Variants in FSTL1 observed in about 807,000 individuals in gnomAD.
FSTL1 encodes the protein follistatin like 1.
Under a neutral mutation model 45.9 loss-of-function variants are expected in FSTL1, and 24 were observed. That is an observed-to-expected ratio of 0.52 (90% CI 0.38 to 0.74). The LOEUF is 0.74. FSTL1 is among the 30% of genes least tolerant of loss of function. FSTL1 has a pLI of 0.00. For synonymous variants in FSTL1, 120 were observed against 137.6 expected, an observed-to-expected ratio of 0.87 and a Z score of 0.89; for missense variants, 340 against 381.8, an observed-to-expected ratio of 0.89 and a Z score of 0.91.
At chr3:120,447,839 T>G (rs1246886575) in intron 2 of FSTL1, among the ~76,000 whole-genome samples, 1 of 152,130 alleles carries the variant, frequency 6.6e-6, no homozygotes, top group Non-Finnish European at 1.5e-5. Flanking sequence ...TTTGTAGAGA[T>G]ATGGTCTCAC....
At chr3:120,417,846 C>T (rs1421719058) in intron 2 of FSTL1, among the ~76,000 whole-genome samples, 3 of 152,186 alleles carry the variant, frequency 2.0e-5, no homozygotes, top group African/African-American at 2.4e-5. Context: ...AGTCTCTGTC[C>T]TTAACTAGTA....
rs183355920 is a variant in FSTL1, at chr3:120,404,892, A to G, written c.542T>C (p.Ile181Thr). Reference protein sequence around the residue: ...FVEQNETAINITTYPDQENNK... With the variant: ...FVEQNETAINTTTYPDQENNK... ...GTTCTCCTGGTCTGGATACGTTGTAATATTGATGGCAGTTTCATTCTGTTC... is the reference window on the plus strand; with the variant it reads ...GTTCTCCTGGTCTGGATACGTTGTAGTATTGATGGCAGTTTCATTCTGTTC... Residue 181 changes from isoleucine to threonine, a missense_variant, in exon 7 of 11, where the codon ATT becomes ACT. Transcript: ENST00000295633. 2.6e-5 allele frequency: 42 copies of G among 1,599,362 alleles called. No homozygotes were observed. The East Asian group carries it at 7.8e-4, about 30-fold the overall frequency.
At chr3:120,399,164 G>A (rs1936766544) in intron 10 of FSTL1, among the ~76,000 whole-genome samples, 1 of 152,176 alleles carries the variant, frequency 6.6e-6, no homozygotes, top group Non-Finnish European at 1.5e-5. Context: ...GACAGGTAAT[G>A]GAAGGTGCAA....
chr3:120,439,176 A>G (rs1424816314), intron 2 of FSTL1, among the ~76,000 whole-genome samples: 2 of 152,148 alleles, frequency 1.3e-5, no homozygotes, highest in East Asian at 1.9e-4. Flanking sequence ...TTGCTCAGCT[A>G]ATGCAAACAC....
intron 2 of FSTL1, among the ~76,000 whole-genome samples, chr3:120,446,242 C>G (rs1937736574): frequency 6.6e-6 from 1 of 152,216 alleles, no homozygotes; most frequent in Non-Finnish European, 1.5e-5. Context: ...CTCTGCCCCA[C>G]TGACTTCAAA....
At chr3:120,446,030 A>G (rs781159924) in intron 2 of FSTL1, among the ~76,000 whole-genome samples, 1 of 150,942 alleles carries the variant, frequency 6.6e-6, no homozygotes, top group Non-Finnish European at 1.5e-5. Context: ...TACAAAGTGA[A>G]CCTATCTAAT....
chr3:120,403,920 C>CAAAAAAAAAAAAAAAAAA (rs34145564), intron 7 of FSTL1, among the ~76,000 whole-genome samples: 3 of 52,142 alleles, frequency 5.8e-5, no homozygotes, highest in South Asian at 9.4e-4. Flanking sequence ...GACTCCGTCT[C>CAAAAAAAAAAAAAAAAAA]AAAAAAAAAA....
At position 120,395,080 on chromosome 3, in the gene FSTL1, T is replaced by A. The variant is rs1936670205; in HGVS notation, c.*1872A>T. ...GACTGAACAAGTGGAGTTTGAAGAGTTTTTAGATGGGATGGATACATAAAA... is the reference window on the plus strand; with the variant it reads ...GACTGAACAAGTGGAGTTTGAAGAGATTTTAGATGGGATGGATACATAAAA... On this transcript the variant is annotated 3_prime_UTR_variant, in exon 11 of 11. Transcript: ENST00000295633. 1 of 153,078 alleles carries A rather than the reference T, an allele frequency of 6.5e-6. No homozygotes were observed. The allele number at this position is 153,078 out of a possible 1,614,324, so 9.5% of individuals were successfully genotyped here.
chr3:120,425,440 T>C (rs1937359764), intron 2 of FSTL1, among the ~76,000 whole-genome samples: 1 of 151,544 alleles, frequency 6.6e-6, no homozygotes, highest in Non-Finnish European at 1.5e-5. Flanking sequence ...GCAGAGGCAG[T>C]GATGTCCTGT....
In FSTL1 at chr3:120,436,735, G is replaced by A. The variant is rs180899074; in HGVS notation, c.63+13949C>T. ...TGAAAGACTGCTGGGACTCTAGGGA[G>A]AAGCCAGGTGAATTTCCTGCTTCTG... On this transcript the variant is annotated intron_variant, in intron 2 of 10. Transcript: ENST00000295633. Among the ~76,000 whole-genome samples, 7 of 152,314 alleles carry A rather than the reference G, an allele frequency of 4.6e-5. No individual in the cohort carries two copies. The East Asian group carries it at 1.3e-3, about 29-fold the overall frequency.
At chr3:120,429,832 C>CAAA (rs1937445801) in intron 2 of FSTL1, among the ~76,000 whole-genome samples, 2 of 152,172 alleles carry the variant, frequency 1.3e-5, no homozygotes, top group African/African-American at 2.4e-5. Context: ...CTTCCAACTA[C>CAAA]TCCTCTAAAG....
chr3:120,411,652 G>C (rs1937055443), intron 4 of FSTL1, among the ~76,000 whole-genome samples: 1 of 152,218 alleles, frequency 6.6e-6, no homozygotes, highest in Admixed American at 6.5e-5. Flanking sequence ...GCAAACCCTG[G>C]GCAGAGGCCT....
Position 120,403,314 on chromosome 3 carries a change from T to C in FSTL1, c.622A>G (p.Asn208Asp), listed in dbSNP as rs1283477376. Residue 208 changes from asparagine (N) to aspartate (D), a missense_variant, in exon 8 of 11, where the codon AAT (asparagine) becomes GAT (aspartate). Asn to Asp is a conservative substitution (Grantham distance 23, BLOSUM62 1). Coordinates refer to ENST00000295633, the MANE Select transcript of FSTL1 (RefSeq NM_007085.5). ...TGGAAGCTGAGTTTCCAATCAGCAT[T>C]TTCATCAGACAGTTCAATGAGAGCA... Reference protein sequence around the residue: ...VDALIELSDENADWKLSFQEF... With the variant: ...VDALIELSDEDADWKLSFQEF... 6.2e-7 allele frequency: 1 copy of C among 1,612,418 alleles called. No homozygotes were observed. Among genetic ancestry groups the C allele is most frequent in the African/African-American group, 1.3e-5 (1 of 74,876 alleles).
intron 6 of FSTL1, among the ~76,000 whole-genome samples, chr3:120,408,731 G>A (rs1420238008): frequency 6.6e-6 from 1 of 152,110 alleles, no homozygotes; most frequent in Non-Finnish European, 1.5e-5. Context: ...TCTGTATGTG[G>A]TGTGTGTGTG....
At chr3:120,418,845 G>A (rs184903328) in intron 2 of FSTL1, among the ~76,000 whole-genome samples, 48 of 152,290 alleles carry the variant, frequency 3.2e-4, no homozygotes, top group Non-Finnish European at 5.9e-5. Flanking sequence ...ACTGAAAGTG[G>A]CTATTACTAC....
At chr3:120,444,578 G>A (rs956652940) in intron 2 of FSTL1, among the ~76,000 whole-genome samples, 1 of 149,698 alleles carries the variant, frequency 6.7e-6, no homozygotes, top group East Asian at 1.9e-4. Flanking sequence ...ACATCGTGAC[G>A]ATTCTTGTGA....
At chr3:120,410,612 T>G (rs1937032700) in intron 5 of FSTL1, 1 of 399,268 alleles carries the variant, frequency 2.5e-6, no homozygotes, top group Non-Finnish European at 4.9e-6. Flanking sequence ...CAAAAAGAGT[T>G]GTGCCTTCTA....
intron 10 of FSTL1, among the ~76,000 whole-genome samples, 196 bp from the exon 11 acceptor site, chr3:120,397,192 G>C (rs1936720485): frequency 6.6e-6 from 1 of 152,112 alleles, no homozygotes; most frequent in Admixed American, 6.5e-5. Context: ...GGTCATGCAG[G>C]GGCTGTTTAC....
At chr3:120,432,291 T>C (rs1453959709) in intron 2 of FSTL1, among the ~76,000 whole-genome samples, 1 of 152,186 alleles carries the variant, frequency 6.6e-6, no homozygotes, top group Non-Finnish European at 1.5e-5. Context: ...CATTCTATTC[T>C]TCTTGAGACA....
Sources: allele counts gnomAD v4.1 joint callset (sites outside exome capture counted in the v4.1 genomes callset), GRCh38; gene constraint gnomAD v4.1.1; transcripts MANE v1.5; gene names NCBI Gene and HGNC (gene_info 2026-07-23, HGNC 2026-07-21).